Variants in CYRIB observed in about 807,000 individuals in gnomAD.
CYRIB encodes CYFIP-related Rac1 interactor B.
A neutral mutation model predicts 44.2 loss-of-function variants in CYRIB; 8 were observed. That is an observed-to-expected ratio of 0.18 (90% CI 0.11 to 0.33). The LOEUF (loss-of-function observed/expected upper bound fraction) is 0.33, where lower values mean the gene tolerates loss of function less well. Ranked by LOEUF, CYRIB falls within the 10% of genes least tolerant of loss-of-function variation. The probability of loss-of-function intolerance (pLI) is 1.00; values close to 1 mark genes in which losing one functional copy is unlikely to be tolerated. For synonymous variants in CYRIB, 131 were observed against 127.2 expected, an observed-to-expected ratio of 1.03 and a Z score of -0.20; for missense variants, 185 against 382.8, an observed-to-expected ratio of 0.48 and a Z score of 4.31.
chr8:129,978,287 CTCTT>C (rs2096052163), intron 1 of CYRIB, among the ~76,000 whole-genome samples: 1 of 152,196 alleles, frequency 6.6e-6, no homozygotes, highest in African/African-American at 2.4e-5. Context: ...AATAAAACTT[CTCTT>C]TCTTATGTTT....
At chr8:129,971,391 C>A (rs1358565554) in intron 1 of CYRIB, among the ~76,000 whole-genome samples, 1 of 152,138 alleles carries the variant, frequency 6.6e-6, no homozygotes, top group African/African-American at 2.4e-5. Flanking sequence ...CGCACCCAGC[C>A]CCAGATAGCA....
chr8:129,886,797 G>A (rs1227070656), intron 2 of CYRIB, among the ~76,000 whole-genome samples: 1 of 151,894 alleles, frequency 6.6e-6, no homozygotes, highest in Non-Finnish European at 1.5e-5. Flanking sequence ...AGGGCAGCAC[G>A]TCTCACCTCC....
intron 1 of CYRIB, among the ~76,000 whole-genome samples, chr8:129,926,373 C>G (rs2087718211): frequency 6.6e-6 from 1 of 152,188 alleles, no homozygotes; most frequent in Non-Finnish European, 1.5e-5. Flanking sequence ...CATCAAATTT[C>G]CACTGAACTA....
chr8:129,933,569 T>C (rs2092140229), intron 1 of CYRIB, among the ~76,000 whole-genome samples: 2 of 152,106 alleles, frequency 1.3e-5, no homozygotes, highest in African/African-American at 4.8e-5. Context: ...TGCCTCTACA[T>C]CATAATGTAT....
chr8:129,956,270 A>C (rs2094826248), intron 2 of CYRIB, among the ~76,000 whole-genome samples: 1 of 152,052 alleles, frequency 6.6e-6, no homozygotes, highest in African/African-American at 2.4e-5. Context: ...ACCCCTTCTC[A>C]AATAATAATA....
At chr8:129,897,939 T>C (rs1279296727) in intron 2 of CYRIB, among the ~76,000 whole-genome samples, 3 of 152,226 alleles carry the variant, frequency 2.0e-5, no homozygotes, top group South Asian at 2.1e-4. Flanking sequence ...CTGATTTTTG[T>C]ATTTTTAGTA....
chr8:129,854,386 G>A, intron 6 of CYRIB, 43 bp from the exon 9 acceptor site: 1 of 1,398,270 alleles, frequency 7.2e-7, no homozygotes, highest in Non-Finnish European at 9.9e-7. Flanking sequence ...TGTACTAAAT[G>A]CTAATGTAAA....
intron 1 of CYRIB, among the ~76,000 whole-genome samples, chr8:129,910,526 A>G (rs897818785): frequency 6.9e-6 from 1 of 144,016 alleles, no homozygotes; most frequent in Non-Finnish European, 1.5e-5. Context: ...GGCCAGGTGC[A>G]ATGGTTCCTG....
intron 3 of CYRIB, among the ~76,000 whole-genome samples, chr8:129,878,451 A>G (rs1372540067): frequency 6.6e-6 from 1 of 152,248 alleles, no homozygotes; most frequent in African/African-American, 2.4e-5. Context: ...TTTTGTTTTT[A>G]AAATCAGAAA....
chr8:129,992,738 G>T lies in CYRIB; in HGVS notation c.-295-21743C>A, dbSNP rs148646527. 5.9e-4 allele frequency among the ~76,000 whole-genome samples: 90 copies of T among 152,228 alleles called. No homozygotes were observed. In the South Asian group the frequency reaches 8.3e-3, roughly 14 times the overall value. On this transcript the variant is annotated intron_variant, in intron 1 of 14. Coordinates refer to the CYRIB transcript ENST00000401979. Reference sequence around the variant, plus strand: ...GTCATGTATGTGTTTATTATACCTTGCCTCTTTCCAAGAGACAGTTGAGAT... The same window carrying T: ...GTCATGTATGTGTTTATTATACCTTTCCTCTTTCCAAGAGACAGTTGAGAT...
At chr8:130,010,085 T>A (rs2097185268) in intron 1 of CYRIB, among the ~76,000 whole-genome samples, 1 of 152,150 alleles carries the variant, frequency 6.6e-6, no homozygotes, top group South Asian at 2.1e-4. Context: ...CACCTTCTTA[T>A]CAAAGGATGC....
upstream of CYRIB, among the ~76,000 whole-genome samples, chr8:129,944,375 C>T (rs1301487718): frequency 6.6e-6 from 1 of 152,160 alleles, no homozygotes; most frequent in South Asian, 2.1e-4. Context: ...CTGGGGTTGT[C>T]GGGATGACCC....
At chr8:129,885,176 T>C (rs990575461) in intron 2 of CYRIB, among the ~76,000 whole-genome samples, 1 of 152,240 alleles carries the variant, frequency 6.6e-6, no homozygotes, top group African/African-American at 2.4e-5. Context: ...CTTCCTAGAA[T>C]GCTAGTCCCA....
chr8:129,993,748 G>A (rs1230248777), intron 1 of CYRIB, among the ~76,000 whole-genome samples: 1 of 151,664 alleles, frequency 6.6e-6, no homozygotes, highest in Non-Finnish European at 1.5e-5. Flanking sequence ...AGTAGTCCCA[G>A]CTACTTGTGA....
At chr8:129,964,430 G>A (rs77448533) in intron 2 of CYRIB, among the ~76,000 whole-genome samples, 7,057 of 152,274 alleles carry the variant, frequency 0.046, 166 homozygotes, top group Middle Eastern at 0.068. Context: ...CTAGTGTCAG[G>A]AGAGACGAAG....
At chr8:129,994,351 A>C (rs983807331) in intron 1 of CYRIB, among the ~76,000 whole-genome samples, 2 of 152,194 alleles carry the variant, frequency 1.3e-5, no homozygotes, top group African/African-American at 4.8e-5. Flanking sequence ...TTGGACTGCC[A>C]GTCTCCAGAA....
intron 1 of CYRIB, among the ~76,000 whole-genome samples, chr8:129,905,910 C>G (rs1475150842): frequency 1.3e-5 from 2 of 151,942 alleles, no homozygotes; most frequent in African/African-American, 4.8e-5. Context: ...ATCTACAAAC[C>G]TAGAGATTCC....
chr8:129,972,022 T>C (rs1217546289), intron 1 of CYRIB, among the ~76,000 whole-genome samples: 2 of 152,230 alleles, frequency 1.3e-5, no homozygotes, highest in African/African-American at 2.4e-5. Context: ...ATTAAATCTT[T>C]AGCTGCCTTA....
chr8:129,981,352 T>C lies in CYRIB; in HGVS notation c.-295-10357A>G, dbSNP rs187241632. Among the ~76,000 whole-genome samples, 6 of 152,318 alleles carry C rather than the reference T, an allele frequency of 3.9e-5. No homozygotes were observed. In the East Asian group the frequency reaches 1.2e-3, roughly 29 times the overall value. On this transcript the variant is annotated intron_variant, in intron 1 of 14. Coordinates refer to the CYRIB transcript ENST00000401979. ...GGTTGGTAAAGATGGGGTTTCGCCA[T>C]GTCGGCCAGGCTGGTATTGAACTCC...
Sources: allele counts gnomAD v4.1 joint callset (sites outside exome capture counted in the v4.1 genomes callset), GRCh38; gene constraint gnomAD v4.1.1; transcripts MANE v1.5; gene names NCBI Gene and HGNC (gene_info 2026-07-23, HGNC 2026-07-21).